The following LAMP2 variants were observed in gnomAD, a reference collection of about 807,000 sequenced individuals.
LAMP2 encodes the protein lysosome-associated membrane glycoprotein 2.
A neutral mutation model predicts 25.6 loss-of-function variants in LAMP2; 4 were observed. That is an observed-to-expected ratio of 0.16 (90% CI 0.08 to 0.36). LAMP2 has a LOEUF of 0.36. Among genes scored for constraint, LAMP2 ranks in the 10% least tolerant of loss-of-function variants. The probability of loss-of-function intolerance (pLI) is 1.00; values close to 1 mark genes in which losing one functional copy is unlikely to be tolerated. For missense variants in LAMP2, 272 were observed against 301.4 expected, an observed-to-expected ratio of 0.90 and a Z score of 0.72; for synonymous variants, 108 against 112.7, an observed-to-expected ratio of 0.96 and a Z score of 0.27.
In LAMP2 at chrX:120,438,311, C is replaced by T. The variant is rs1335012105; in HGVS notation, c.1093+3419G>A. ...GAAATCTGCATTAATTTTAGTACTG[C>T]ATACAGAGGCCAATTTATGAGCACA... On this transcript the variant is annotated intron_variant, in intron 8 of 8. Coordinates refer to ENST00000200639, the MANE Select transcript of LAMP2 (RefSeq NM_002294.3). 5.3e-6 allele frequency: 4 copies of T among 752,509 alleles called. No individual in the cohort carries two copies. In the African/African-American group the frequency reaches 9.2e-5, roughly 17 times the overall value. 62.0% of individuals were successfully genotyped at this position (752,509 alleles called of 1,213,427 possible). A position where few individuals can be genotyped will look rare whatever the true frequency, so the allele number is the denominator to read the frequency against.
At chrX:120,438,738 A>C (rs2058558116) in intron 8 of LAMP2, 1 of 808,019 alleles carries the variant, frequency 1.2e-6, no homozygotes. Flanking sequence ...ACACAAAAAG[A>C]GCAAAAGGAG....
At chrX:120,452,112 T>C (rs376147896) in intron 3 of LAMP2, among the ~76,000 whole-genome samples, 1 of 110,873 alleles carries the variant, frequency 9.0e-6, no homozygotes, top group African/African-American at 3.3e-5. Flanking sequence ...TCTCAACTAA[T>C]CCTGCAGAAT....
rs985640570 is a variant in LAMP2 at position 120,455,601 on chromosome X, A to T, written c.184-31T>A. The T allele has an allele frequency of 3.7e-6, 4 of 1,075,420 alleles. No homozygotes were observed. In the African/African-American group the frequency reaches 7.4e-5, roughly 20 times the overall value. The allele number at this position is 1,075,420 out of a possible 1,213,427, so 88.6% of individuals were successfully genotyped here. ...AGAAATAGAAATTTGGGGGTGAGAAACAAACAGGCAGCAAGGAACACCAAG... is the reference window on the plus strand; with the variant it reads ...AGAAATAGAAATTTGGGGGTGAGAATCAAACAGGCAGCAAGGAACACCAAG... On this transcript the variant is annotated intron_variant, in intron 2 of 8. Coordinates refer to ENST00000200639, the MANE Select transcript of LAMP2 (RefSeq NM_002294.3).
chrX:120,428,722 C>A lies in LAMP2; in HGVS notation c.*2601G>T. 9.3e-7 allele frequency: 1 copy of A among 1,078,230 alleles called. No individual in the cohort carries two copies. The highest frequency in any genetic ancestry group is 1.2e-6 in the Non-Finnish European group (1 of 833,027). 88.9% of individuals were successfully genotyped at this position (1,078,230 alleles called of 1,213,427 possible). A position where few individuals can be genotyped will look rare whatever the true frequency, so the allele number is the denominator to read the frequency against. On this transcript the variant is annotated 3_prime_UTR_variant, in exon 9 of 9. Transcript: ENST00000200639. Reference sequence around the variant, plus strand: ...AAGAAACATGCATTTTGAAAGTGTACATAGCTTAGTTTTTTATAGCATTAC... The same window carrying A: ...AAGAAACATGCATTTTGAAAGTGTAAATAGCTTAGTTTTTTATAGCATTAC...
intron 8 of LAMP2, chrX:120,437,254 T>C (rs1470247855): frequency 1.4e-6 from 1 of 731,173 alleles, no homozygotes; most frequent in Non-Finnish European, 1.6e-6. Context: ...CTCAGTTATA[T>C]TGTTATAAAA....
At chrX:120,448,134 AT>A in intron 4 of LAMP2, 109 bp from the exon 5 acceptor site, 1 of 647,462 alleles carries the variant, frequency 1.5e-6, no homozygotes, top group Non-Finnish European at 2.5e-6. Context: ...AAAGGGTTAT[AT>A]TAGGGGAAGA....
chrX:120,442,111 T>C (rs2058575513), intron 7 of LAMP2, among the ~76,000 whole-genome samples: 1 of 107,775 alleles, frequency 9.3e-6, no homozygotes, highest in South Asian at 4.2e-4. Context: ...GGCATGATGG[T>C]GCACACCTGT....
intron 8 of LAMP2, chrX:120,438,524 C>A (rs990316817): frequency 1.1e-5 from 8 of 746,705 alleles, no homozygotes; most frequent in Non-Finnish European, 1.3e-5. Context: ...GCTTTTGTAT[C>A]TTTTGTCATT....
Position 120,428,556 on chromosome X carries a change from G to A in LAMP2, c.*2767C>T. 1 of 1,199,424 alleles carries A rather than the reference G, an allele frequency of 8.3e-7. No homozygotes were observed. Among genetic ancestry groups the A allele is most frequent in the South Asian group, 1.8e-5 (1 of 54,379 alleles). On this transcript the variant is annotated 3_prime_UTR_variant, in exon 9 of 9. Transcript: ENST00000200639. ...AAGAGATAAAGACAACAATTATAAG[G>A]AAGCCCAAGGCCACACCCACTGCAA...
In LAMP2 at chrX:120,429,206, G is replaced by A. The variant is rs779000030; in HGVS notation, c.*2117C>T. ...CACACACAATTATTTTTAGCTGAGC[G>A]GTGGCCTGGAAGAATAACAGCAGTA... is the stretch of plus-strand genomic sequence containing the variant. On this transcript the variant is annotated 3_prime_UTR_variant, in exon 9 of 9. Transcript: ENST00000200639. The A allele has an allele frequency of 4.5e-5, 34 of 747,662 alleles. No individual in the cohort carries two copies. The South Asian group carries it at 5.5e-4, about 12-fold the overall frequency. 61.6% of individuals were successfully genotyped at this position (747,662 alleles called of 1,213,427 possible).
intron 4 of LAMP2, among the ~76,000 whole-genome samples, chrX:120,448,373 A>T (rs1349256821): frequency 8.9e-6 from 1 of 112,258 alleles, no homozygotes; most frequent in Non-Finnish European, 1.9e-5. Context: ...TAAGTCTTAA[A>T]TTTTTTGGTT....
chrX:120,446,457 C>T (rs763420907), intron 5 of LAMP2, 30 bp from the exon 6 acceptor site: 3 of 1,205,254 alleles, frequency 2.5e-6, no homozygotes, highest in African/African-American at 1.7e-5. Context: ...GGAAAAGGTA[C>T]AGGTTAGCTA....
intron 6 of LAMP2, among the ~76,000 whole-genome samples, chrX:120,443,884 G>A (rs948076807): frequency 7.2e-5 from 8 of 110,930 alleles, no homozygotes; most frequent in Non-Finnish European, 1.1e-4. Context: ...GGGCAGCTGA[G>A]GCAGGAGAAT....
chrX:120,465,079 T>C (rs747877535), intron 1 of LAMP2, among the ~76,000 whole-genome samples: 4 of 111,570 alleles, frequency 3.6e-5, no homozygotes, highest in African/African-American at 1.3e-4. Context: ...CATTATATTA[T>C]TTATCTGTTG....
intron 3 of LAMP2, among the ~76,000 whole-genome samples, chrX:120,453,843 T>C (rs1284969663): frequency 8.9e-6 from 1 of 112,320 alleles, no homozygotes; most frequent in Non-Finnish European, 1.9e-5. Flanking sequence ...CTACACTCTA[T>C]ATCTTCAAAA....
At chrX:120,446,162 G>C in intron 6 of LAMP2, 143 bp downstream of exon 6, 1 of 564,159 alleles carries the variant, frequency 1.8e-6, no homozygotes, top group Non-Finnish European at 3.0e-6. Context: ...GGGATGAACA[G>C]GGATGAATGG....
At chrX:120,448,883 C>T in intron 4 of LAMP2, 87 bp downstream of exon 4, 4 of 862,020 alleles carry the variant, frequency 4.6e-6, no homozygotes, top group Non-Finnish European at 6.8e-6. Context: ...TATATAAATG[C>T]TTTCAGATAA....
chrX:120,448,140 G>C (rs1195105884), intron 4 of LAMP2, 115 bp from the exon 5 acceptor site: 2 of 610,114 alleles, frequency 3.3e-6, no homozygotes, highest in Non-Finnish European at 5.4e-6. Flanking sequence ...TTATATTAGG[G>C]GAAGAGAATA....
chrX:120,440,872 C>T (rs1483767551), intron 8 of LAMP2, among the ~76,000 whole-genome samples: 2 of 112,258 alleles, frequency 1.8e-5, no homozygotes, highest in African/African-American at 6.5e-5. Context: ...GTGGCCTAAC[C>T]AAGTCAGACT....
Sources: gnomAD v4.1 joint callset for allele counts (sites outside exome capture counted in the v4.1 genomes callset) on GRCh38, gnomAD v4.1.1 for gene constraint, MANE v1.5 for transcripts, NCBI Gene and HGNC (gene_info 2026-07-23, HGNC 2026-07-21) for gene names.